VWA3A: variants seen among roughly 807,000 people sequenced by gnomAD.
The protein encoded by VWA3A is von Willebrand factor A domain containing 3A, also known as von Willebrand factor A domain-containing protein 3A.
VWA3A carries 134 observed loss-of-function variants against 160.4 expected under a neutral mutation model. The ratio of observed to expected loss-of-function variants is 0.84; its 90% confidence interval spans 0.73 to 0.96. VWA3A has a LOEUF of 0.96. Among genes scored for constraint, VWA3A ranks in the 40% least tolerant of loss-of-function variants. VWA3A has a pLI of 0.00. For synonymous variants in VWA3A, 476 were observed against 543.4 expected (o/e 0.88, Z 1.72); for missense variants, 1,310 against 1,447.9 (o/e 0.90, Z 1.55).
intron 28 of VWA3A, 69 bp downstream of exon 28, chr16:22,148,375 C>T (rs1226222625): frequency 2.6e-6 from 4 of 1,512,420 alleles, no homozygotes; most frequent in Non-Finnish European, 3.5e-6. Context: ...CAAGCACGCC[C>T]CCTCTTCTCA....
chr16:22,134,293 A>T, intron 20 of VWA3A, 75 bp from the exon 21 acceptor site: 1 of 1,348,870 alleles, frequency 7.4e-7, no homozygotes, highest in Non-Finnish European at 1.0e-6. Context: ...GTGGCTTTCT[A>T]GTATCCAGAT....
intron 27 of VWA3A, 24 bp downstream of exon 27, chr16:22,146,368 G>T: frequency 6.2e-7 from 1 of 1,601,428 alleles, no homozygotes; most frequent in South Asian, 1.1e-5. Flanking sequence ...CTGCCCTGAA[G>T]GGTGGAGGAG....
At chr16:22,129,198 G>A (rs1418120355) in intron 17 of VWA3A, among the ~76,000 whole-genome samples, 2 of 151,844 alleles carry the variant, frequency 1.3e-5, no homozygotes, top group South Asian at 4.2e-4. Context: ...GACCATCCTG[G>A]CTAACACGGT....
At chr16:22,152,811 G>A (rs919629751) in intron 31 of VWA3A, among the ~76,000 whole-genome samples, 177 bp downstream of exon 31, 6 of 152,116 alleles carry the variant, frequency 3.9e-5, no homozygotes, top group Non-Finnish European at 5.9e-5. Context: ...TCCTTCTGAC[G>A]AAAAAGATCT....
rs535359861 is a variant in VWA3A at position 22,108,399 on chromosome 16, G to A, written c.484-1083G>A. ...AAGTCAAATGTTAGCCTAGACCATTGCTGGTTGGCCTTAGATGCATTTTAA... is the reference window on the plus strand; with the variant it reads ...AAGTCAAATGTTAGCCTAGACCATTACTGGTTGGCCTTAGATGCATTTTAA... On this transcript the variant is annotated intron_variant, in intron 6 of 33. Coordinates refer to ENST00000389398, the MANE Select transcript of VWA3A (RefSeq NM_173615.5). 5.1e-4 allele frequency among the ~76,000 whole-genome samples: 78 copies of A among 152,288 alleles called. 1 individual carries two copies. The highest frequency in any genetic ancestry group is 1.8e-3 in the African/African-American group (75 of 41,578).
At chr16:22,107,022 T>C (rs2045492064) in intron 6 of VWA3A, among the ~76,000 whole-genome samples, 1 of 152,174 alleles carries the variant, frequency 6.6e-6, no homozygotes, top group Non-Finnish European at 1.5e-5. Context: ...ATGTGAGGCC[T>C]GAGGGACTTA....
At chr16:22,153,738 A>AAT (rs369657230) in intron 31 of VWA3A, among the ~76,000 whole-genome samples, 8 of 132,568 alleles carry the variant, frequency 6.0e-5, no homozygotes, top group Non-Finnish European at 9.3e-5. Context: ...ACATGGCATA[A>AAT]TTTTTTTTTT....
intron 9 of VWA3A, among the ~76,000 whole-genome samples, chr16:22,116,556 A>G (rs2045652126): frequency 1.3e-5 from 2 of 152,212 alleles, no homozygotes; most frequent in Admixed American, 1.3e-4. Flanking sequence ...GACTACAGTC[A>G]CAGGCCACCC....
At chr16:22,131,464 T>A in intron 18 of VWA3A, 121 bp from the exon 19 acceptor site, 1 of 1,504,964 alleles carries the variant, frequency 6.6e-7, no homozygotes. Flanking sequence ...ATCTTCACTT[T>A]ATGAGAGTGA....
chr16:22,138,911 C>A (rs1363966360), intron 22 of VWA3A, among the ~76,000 whole-genome samples: 1 of 152,042 alleles, frequency 6.6e-6, no homozygotes, highest in African/African-American at 2.4e-5. Context: ...CTGATAGGAG[C>A]CTGAGGGTGG....
intron 8 of VWA3A, among the ~76,000 whole-genome samples, chr16:22,114,800 A>T (rs1319394048): frequency 1.1e-4 from 15 of 133,294 alleles, no homozygotes; most frequent in Non-Finnish European, 1.1e-4. Context: ...CTATCTCTCT[A>T]TTTTTTTTTT....
At position 22,156,466 on chromosome 16, in the gene VWA3A, C is replaced by G. The variant is rs76088767; in HGVS notation, c.*449C>G. On this transcript the variant is annotated 3_prime_UTR_variant, in exon 34 of 34. Coordinates refer to ENST00000389398, the MANE Select transcript of VWA3A (RefSeq NM_173615.5). ...CTTGCAGCATCCTGACCACGCAGAC[C>G]TCTCGCACTCAGCACTCTATGTCAC... 391 of 154,262 alleles carry G rather than the reference C, an allele frequency of 2.5e-3. 18 individuals are homozygous for G. The East Asian group carries it at 0.061, about 24-fold the overall frequency. The allele number at this position is 154,262 out of a possible 1,614,324, so 9.6% of individuals were successfully genotyped here.
intron 1 of VWA3A, among the ~76,000 whole-genome samples, chr16:22,095,259 G>A (rs1432775537): frequency 6.6e-6 from 1 of 152,194 alleles, no homozygotes; most frequent in Non-Finnish European, 1.5e-5. Context: ...GAAATGTCAA[G>A]ATGATTAGGG....
Position 22,097,616 on chromosome 16 carries a change from A to C in VWA3A, c.146A>C (p.Gln49Pro). ...TGRDSKKPLK[Q>P]KNMNGLGQNS... ...AGAGATTCAAAGAAGCCACTAAAGC[A>C]GAAGAATATGAATGGACTTGGGCAA... is the stretch of plus-strand genomic sequence containing the variant. Residue 49 changes from glutamine to proline, a missense_variant, in exon 3 of 34, where the codon CAG (glutamine) becomes CCG (proline). By Grantham distance (76) the Gln-to-Pro change is moderately conservative (BLOSUM62 -1). Coordinates refer to ENST00000389398, the MANE Select transcript of VWA3A (RefSeq NM_173615.5). 1 of 1,551,932 alleles carries C rather than the reference A, an allele frequency of 6.4e-7. No individual in the cohort carries two copies. The highest frequency in any genetic ancestry group is 1.2e-5 in the South Asian group (1 of 84,064).
intron 31 of VWA3A, 43 bp from the exon 32 acceptor site, chr16:22,155,524 T>C: frequency 6.3e-7 from 1 of 1,575,938 alleles, no homozygotes; most frequent in Non-Finnish European, 8.7e-7. Context: ...GATTTTCAGC[T>C]CCCATCCAGT....
At chr16:22,110,746 C>A (rs2045541351) in intron 7 of VWA3A, 142 bp from the exon 8 acceptor site, 1 of 601,764 alleles carries the variant, frequency 1.7e-6, no homozygotes, top group Non-Finnish European at 2.7e-6. Flanking sequence ...CGGCTTGGGG[C>A]TGGCTGCTAA....
At chr16:22,097,541 G>A (rs1296686348) in intron 2 of VWA3A, 31 bp from the exon 3 acceptor site, 2 of 1,549,606 alleles carry the variant, frequency 1.3e-6, no homozygotes, top group Non-Finnish European at 8.7e-7. Context: ...CCAGTGCTGG[G>A]GCATTGATCA....
rs780761908 is a variant in VWA3A at position 22,150,857 on chromosome 16, T to G, written c.3281+11T>G. 6.2e-7 allele frequency: 1 copy of G among 1,610,054 alleles called. No individual in the cohort carries two copies. Among genetic ancestry groups the G allele is most frequent in the Middle Eastern group, 1.7e-4 (1 of 6,044 alleles). ...GAACTGCTCAGACAGGTGCGCAATA[T>G]GGAGTCTGACTGAGTTTTATTCTTT... is the stretch of plus-strand genomic sequence containing the variant. On this transcript the variant is annotated intron_variant, in intron 30 of 33. Transcript: ENST00000389398.
intron 5 of VWA3A, among the ~76,000 whole-genome samples, chr16:22,102,827 C>G (rs1387273208): frequency 6.6e-6 from 1 of 152,160 alleles, no homozygotes; most frequent in Non-Finnish European, 1.5e-5. Flanking sequence ...CTCCACAGAC[C>G]TGCCCTCACC....
Sources: gnomAD v4.1 joint callset for allele counts (sites outside exome capture counted in the v4.1 genomes callset) on GRCh38, gnomAD v4.1.1 for gene constraint, MANE v1.5 for transcripts, NCBI Gene and HGNC (gene_info 2026-07-23, HGNC 2026-07-21) for gene names.